Variants in DYNC2I2 observed in about 807,000 individuals in gnomAD.
DYNC2I2 encodes the protein dynein 2 intermediate chain 2.
DYNC2I2 carries 39 observed loss-of-function variants against 52.0 expected under a neutral mutation model. That is an observed-to-expected ratio of 0.75 (90% CI 0.58 to 0.98). The LOEUF is 0.98. Among genes scored for constraint, DYNC2I2 ranks in the 50% least tolerant of loss-of-function variants. The pLI, the probability that DYNC2I2 is intolerant of heterozygous loss-of-function variation, is 0.00. For synonymous variants in DYNC2I2, 359 were observed against 321.1 expected (o/e 1.12, Z -1.26); for missense variants, 743 against 728.4 (o/e 1.02, Z -0.23).
At chr9:128,666,041 C>G in the DYNC2I2 span, among the ~76,000 whole-genome samples, 131 of 151,872 alleles carry the variant, frequency 8.6e-4, no homozygotes, top group Admixed American at 1.3e-3. Flanking sequence ...CACCACTGCA[C>G]TCCAGCCTGG....
chr9:128,636,463 G>T, intron 3 of DYNC2I2, 25 bp from the exon 4 acceptor site: 1 of 1,582,122 alleles, frequency 6.3e-7, no homozygotes, highest in Non-Finnish European at 8.5e-7. Context: ...GCTTGAGCCG[G>T]CTGTGCCCCT....
At chr9:128,660,131 C>T (rs767073328), upstream of DYNC2I2, among the ~76,000 whole-genome samples, 23 of 151,348 alleles carry the variant, frequency 1.5e-4, no homozygotes, top group Middle Eastern at 3.2e-3. Context: ...ATTTTTGAGA[C>T]GGAGTCTCGC....
At chr9:128,671,949 G>A in the DYNC2I2 span, among the ~76,000 whole-genome samples, 6 of 143,040 alleles carry the variant, frequency 4.2e-5, no homozygotes, top group South Asian at 4.5e-4. Flanking sequence ...CACCGCGCCC[G>A]GCCTAATTTT....
At position 128,633,678 on chromosome 9, in the gene DYNC2I2, A is replaced by T. The variant is rs1860216642; in HGVS notation, c.*66T>A. Reference sequence around the variant, plus strand: ...TTCCCCCAAAGCTTTGCTTTTCTTCATTTGGCTTGCGTCAGAAACACAAGG... The same window carrying T: ...TTCCCCCAAAGCTTTGCTTTTCTTCTTTTGGCTTGCGTCAGAAACACAAGG... On this transcript the variant is annotated 3_prime_UTR_variant, in exon 9 of 9. Coordinates refer to ENST00000372715, the MANE Select transcript of DYNC2I2 (RefSeq NM_052844.4). 3 of 1,525,368 alleles carry T rather than the reference A, an allele frequency of 2.0e-6. No homozygotes were observed. The highest frequency in any genetic ancestry group is 2.7e-6 in the Non-Finnish European group (3 of 1,125,742). 94.5% of individuals were successfully genotyped at this position (1,525,368 alleles called of 1,614,324 possible). A position where few individuals can be genotyped will look rare whatever the true frequency, so the allele number is the denominator to read the frequency against.
chr9:128,643,450 T>C (rs537817807), intron 1 of DYNC2I2, among the ~76,000 whole-genome samples: 75 of 151,592 alleles, frequency 4.9e-4, no homozygotes, highest in African/African-American at 1.8e-3. Flanking sequence ...TCGCTTGAAC[T>C]TGGGGGGCGG....
intron 3 of DYNC2I2, 77 bp from the exon 4 acceptor site, chr9:128,636,515 G>T: frequency 6.7e-7 from 1 of 1,493,058 alleles, no homozygotes; most frequent in Non-Finnish European, 9.0e-7. Flanking sequence ...CTCCCCACTA[G>T]CCCCGGACAC....
At chr9:128,635,942 C>T (rs999909365) in intron 4 of DYNC2I2, 175 bp from the exon 5 acceptor site, 4 of 689,506 alleles carry the variant, frequency 5.8e-6, no homozygotes, top group Non-Finnish European at 2.5e-6. Flanking sequence ...CCCTGTTGTA[C>T]CCCAGGGAGC....
At chr9:128,668,001 A>AC in the DYNC2I2 span, among the ~76,000 whole-genome samples, 1 of 79,718 alleles carries the variant, frequency 1.3e-5, no homozygotes, top group African/African-American at 6.0e-5. Context: ...CCGCTCTGTC[A>AC]CCAGGCTGGA....
chr9:128,673,800 C>G, the DYNC2I2 span, among the ~76,000 whole-genome samples: 5 of 149,898 alleles, frequency 3.3e-5, no homozygotes, highest in Non-Finnish European at 7.4e-5. Flanking sequence ...GCTACCGCAC[C>G]CAGCTATTTT....
intron 1 of DYNC2I2, 90 bp downstream of exon 1, chr9:128,656,451 G>T (rs374757057): frequency 9.1e-7 from 1 of 1,096,862 alleles, no homozygotes; most frequent in African/African-American, 1.8e-5. Context: ...CCGCCCGGCA[G>T]CCACGGTGGG....
intron 1 of DYNC2I2, among the ~76,000 whole-genome samples, chr9:128,642,807 T>C (rs1860543342): frequency 6.6e-6 from 1 of 151,774 alleles, no homozygotes; most frequent in Non-Finnish European, 1.5e-5. Context: ...GTCTGGGTAA[T>C]GAGGACACAG....
the DYNC2I2 span, among the ~76,000 whole-genome samples, chr9:128,672,628 A>T: frequency 6.6e-6 from 1 of 152,122 alleles, no homozygotes; most frequent in Non-Finnish European, 1.5e-5. Context: ...AAAAGGAAAA[A>T]AATTTCCACC....
chr9:128,672,339 G>A, the DYNC2I2 span, among the ~76,000 whole-genome samples: 2 of 151,732 alleles, frequency 1.3e-5, no homozygotes, highest in Non-Finnish European at 1.5e-5. Flanking sequence ...TCTTGACCTC[G>A]TGATCCGCCA....
In DYNC2I2 at chr9:128,640,925, C is replaced by A; in HGVS notation, c.201G>T (p.Thr67=). Residue 67 remains threonine, a synonymous_variant, in exon 2 of 9, where the codon ACG becomes ACT. Transcript: ENST00000372715. ...ATGCACTGGCAGTGGCAATGCTGGCCGTCTGGCAACTTTTCTGGGGGGAGG... is the reference window on the plus strand; with the variant it reads ...ATGCACTGGCAGTGGCAATGCTGGCAGTCTGGCAACTTTTCTGGGGGGAGG... ...GIRWETKSCQ[T]ASIATASASA... The A allele has an allele frequency of 6.3e-7, 1 of 1,591,072 alleles. No individual in the cohort carries two copies. The highest frequency in any genetic ancestry group is 1.1e-5 in the South Asian group (1 of 89,226).
At chr9:128,635,583 C>T in intron 5 of DYNC2I2, 75 bp downstream of exon 5, 2 of 1,364,870 alleles carry the variant, frequency 1.5e-6, no homozygotes, top group Non-Finnish European at 2.0e-6. Context: ...GCCCGGGTGA[C>T]CTTCCTAGGA....
At chr9:128,641,467 G>A (rs1860513203) in intron 1 of DYNC2I2, among the ~76,000 whole-genome samples, 1 of 152,072 alleles carries the variant, frequency 6.6e-6, no homozygotes, top group Non-Finnish European at 1.5e-5. Flanking sequence ...GCCCCCAGAG[G>A]CCTTGCTCTC....
At chr9:128,681,744 A>G in the DYNC2I2 span, among the ~76,000 whole-genome samples, 1 of 152,094 alleles carries the variant, frequency 6.6e-6, no homozygotes, top group African/African-American at 2.4e-5. Context: ...CCCCAATAAC[A>G]GTGGCCTTTG....
At chr9:128,662,236 GA>G in the DYNC2I2 span, among the ~76,000 whole-genome samples, 152 of 143,722 alleles carry the variant, frequency 1.1e-3, no homozygotes, top group African/African-American at 2.1e-3. Context: ...CCGTCTTGGG[GA>G]AAAAAAAAAA....
chr9:128,633,927 G>T lies in DYNC2I2; in HGVS notation c.1428C>A (p.Ile476=). ...CAGGGCTTTCATCCTGGGTTTGCTT[G>T]ATCAAAACTGTGGGTTTCTGGGAGC... ...QKSSQKPTVL[I]KQTQDESPVY... Residue 476 remains isoleucine (I), a synonymous_variant, in exon 9 of 9, where the codon ATC becomes ATA. Coordinates refer to ENST00000372715, the MANE Select transcript of DYNC2I2 (RefSeq NM_052844.4). 6.2e-7 allele frequency: 1 copy of T among 1,613,226 alleles called. No individual in the cohort carries two copies. Among genetic ancestry groups the T allele is most frequent in the African/African-American group, 1.3e-5 (1 of 75,070 alleles).
Sources: gnomAD v4.1 joint callset for allele counts (sites outside exome capture counted in the v4.1 genomes callset) on GRCh38, gnomAD v4.1.1 for gene constraint, MANE v1.5 for transcripts, NCBI Gene and HGNC (gene_info 2026-07-23, HGNC 2026-07-21) for gene names.